The following STARD13 variants were observed in gnomAD, a reference collection of about 807,000 sequenced individuals.
STARD13 encodes the protein stAR-related lipid transfer protein 13.
In STARD13, 62 loss-of-function variants were observed where a neutral mutation model predicts 106.4. The observed-to-expected ratio is 0.58, with a 90% confidence interval of 0.48 to 0.72. STARD13 has a LOEUF of 0.72. Among genes scored for constraint, STARD13 ranks in the 30% least tolerant of loss-of-function variants. The pLI is 0.00. For synonymous variants in STARD13, 565 were observed against 553.0 expected (o/e 1.02, Z -0.31); for missense variants, 1,387 against 1,424.0 (o/e 0.97, Z 0.42).
intron 1 of STARD13, among the ~76,000 whole-genome samples, chr13:33,247,767 C>T (rs952814736): frequency 6.6e-6 from 1 of 152,146 alleles, no homozygotes; most frequent in Admixed American, 6.5e-5. Flanking sequence ...TCGCCCAAAA[C>T]GCACAATTCT....
chr13:33,647,398 TG>T, the STARD13 span, among the ~76,000 whole-genome samples: 1 of 152,216 alleles, frequency 6.6e-6, no homozygotes, highest in East Asian at 1.9e-4. Context: ...GCTTCCACTG[TG>T]CCTTTTTCCC....
chr13:33,605,057 A>G, the STARD13 span, among the ~76,000 whole-genome samples: 2 of 151,636 alleles, frequency 1.3e-5, no homozygotes, highest in African/African-American at 4.8e-5. Context: ...TGGGCAACAC[A>G]GTGAGACCCT....
chr13:33,481,850 C>T, the STARD13 span, among the ~76,000 whole-genome samples: 2 of 106,548 alleles, frequency 1.9e-5, no homozygotes, highest in East Asian at 2.5e-4. Flanking sequence ...GTGGTGGTGG[C>T]GGGCGCCTGT....
At chr13:33,337,905 A>G (rs1240361227) in intron 1 of STARD13, among the ~76,000 whole-genome samples, 2 of 152,254 alleles carry the variant, frequency 1.3e-5, no homozygotes, top group Admixed American at 6.5e-5. Flanking sequence ...GCAGAACATT[A>G]AACCAAATGA....
At chr13:33,564,215 A>C in the STARD13 span, among the ~76,000 whole-genome samples, 13 of 145,108 alleles carry the variant, frequency 9.0e-5, 1 homozygote, top group African/African-American at 3.4e-4. Context: ...TCAAAAAAAA[A>C]AAAAAAAAAA....
chr13:33,134,709 G>A (rs1284007913), intron 4 of STARD13, among the ~76,000 whole-genome samples: 1 of 152,184 alleles, frequency 6.6e-6, no homozygotes, highest in Non-Finnish European at 1.5e-5. Flanking sequence ...GATGAAACTA[G>A]TTATTGTTGT....
chr13:33,350,548 C>T, exon 1 of STARD13: 2 of 1,432,314 alleles, frequency 1.4e-6, no homozygotes. Context: ...GCGGGCGCGA[C>T]ATGGGTCGGT....
chr13:33,269,427 G>A (rs1258050969), intron 1 of STARD13, among the ~76,000 whole-genome samples: 3 of 152,132 alleles, frequency 2.0e-5, no homozygotes, highest in Non-Finnish European at 2.9e-5. Flanking sequence ...TAATGTGGGC[G>A]GTGTGACATT....
intron 4 of STARD13, among the ~76,000 whole-genome samples, chr13:33,132,536 C>A (rs628511): frequency 0.33 from 49,666 of 152,118 alleles, 8,821 homozygotes; most frequent in Non-Finnish European, 0.41. Context: ...ATAACCCAGT[C>A]TCAGGTATGT....
intron 1 of STARD13, among the ~76,000 whole-genome samples, chr13:33,255,654 G>A (rs1890326584): frequency 6.6e-6 from 1 of 152,090 alleles, no homozygotes; most frequent in African/African-American, 2.4e-5. Context: ...GAACCAGAGT[G>A]AGCCCCAAAA....
At chr13:33,598,188 G>A in the STARD13 span, among the ~76,000 whole-genome samples, 1 of 152,038 alleles carries the variant, frequency 6.6e-6, no homozygotes, top group Admixed American at 6.5e-5. Context: ...CTAGAGATTT[G>A]GTATCCTACA....
chr13:33,218,345 G>A (rs544862283), intron 1 of STARD13, among the ~76,000 whole-genome samples: 4 of 152,300 alleles, frequency 2.6e-5, no homozygotes, highest in African/African-American at 9.6e-5. Flanking sequence ...GTTTCCAGGT[G>A]AAGGGTAAGT....
the STARD13 span, among the ~76,000 whole-genome samples, chr13:33,444,613 G>T: frequency 6.6e-6 from 1 of 151,954 alleles, no homozygotes; most frequent in African/African-American, 2.4e-5. Flanking sequence ...AAAAAAAATA[G>T]AAAAAATTAG....
intron 3 of STARD13, among the ~76,000 whole-genome samples, chr13:33,162,480 T>C (rs1175513685): frequency 6.6e-6 from 1 of 152,232 alleles, no homozygotes; most frequent in Non-Finnish European, 1.5e-5. Flanking sequence ...TACTGCATCG[T>C]CAGGCTGCAA....
At chr13:33,623,584 T>C in the STARD13 span, among the ~76,000 whole-genome samples, 2 of 152,078 alleles carry the variant, frequency 1.3e-5, no homozygotes, top group East Asian at 3.8e-4. Context: ...TGAGCTGATA[T>C]TATTTACAAC....
chr13:33,200,894 C>T (rs1359377970), intron 1 of STARD13, among the ~76,000 whole-genome samples: 15 of 151,986 alleles, frequency 9.9e-5, no homozygotes, highest in East Asian at 5.8e-4. Context: ...GGCATGGTGG[C>T]AGGCGCCTGT....
the STARD13 span, among the ~76,000 whole-genome samples, chr13:33,580,023 A>G: frequency 3.3e-5 from 5 of 152,216 alleles, no homozygotes; most frequent in African/African-American, 1.2e-4. Context: ...ATAACTAAAC[A>G]TACTCTTAAT....
At chr13:33,154,102 G>A (rs1476816291) in intron 3 of STARD13, among the ~76,000 whole-genome samples, 1 of 152,208 alleles carries the variant, frequency 6.6e-6, no homozygotes, top group African/African-American at 2.4e-5. Context: ...GACAATTCTG[G>A]TATGTAACTC....
At chr13:33,551,429 A>G in the STARD13 span, among the ~76,000 whole-genome samples, 1 of 152,132 alleles carries the variant, frequency 6.6e-6, no homozygotes, top group Non-Finnish European at 1.5e-5. Flanking sequence ...GGATTTTCAG[A>G]TTAGGGATGG....
Sources: allele counts gnomAD v4.1 joint callset (sites outside exome capture counted in the v4.1 genomes callset), GRCh38; gene constraint gnomAD v4.1.1; transcripts MANE v1.5; gene names NCBI Gene and HGNC (gene_info 2026-07-23, HGNC 2026-07-21).